PARP4: variants seen among roughly 807,000 people sequenced by gnomAD.
PARP4 encodes protein mono-ADP-ribosyltransferase PARP4.
Under a neutral mutation model 187.7 loss-of-function variants are expected in PARP4, and 120 were observed. The ratio of observed to expected loss-of-function variants is 0.64; its 90% CI spans 0.55 to 0.74. The LOEUF is 0.74. Among genes scored for constraint, PARP4 ranks in the 30% least tolerant of loss-of-function variants. The probability of loss-of-function intolerance (pLI) is 0.00; values close to 1 mark genes in which losing one functional copy is unlikely to be tolerated. For missense variants in PARP4, 1,836 were observed against 2,070.5 expected, an observed-to-expected ratio of 0.89 and a Z score of 2.20; for synonymous variants, 654 against 740.9, an observed-to-expected ratio of 0.88 and a Z score of 1.90.
At chr13:24,445,961 G>A (rs1044963970) in intron 27 of PARP4, among the ~76,000 whole-genome samples, 1 of 152,206 alleles carries the variant, frequency 6.6e-6, no homozygotes, top group Non-Finnish European at 1.5e-5. Context: ...CAGAGAATTG[G>A]TTGGGAAAAA....
At chr13:24,432,782 A>G (rs1368101399) in intron 31 of PARP4, among the ~76,000 whole-genome samples, 1 of 152,018 alleles carries the variant, frequency 6.6e-6, no homozygotes, top group African/African-American at 2.4e-5. Flanking sequence ...TGCATCCCCC[A>G]TCATCTGCCT....
chr13:24,422,311 A>G lies in PARP4; in HGVS notation c.4980-997T>C, dbSNP rs372705407. ...TAGGCACTCAATAAATGTTCGCTGA[A>G]TGTCATGATACTAAATCATGATGAA... On this transcript the variant is annotated intron_variant, in intron 33 of 33. Coordinates refer to ENST00000381989, the MANE Select transcript of PARP4 (RefSeq NM_006437.4). Among the ~76,000 whole-genome samples the G allele has an allele frequency of 1.2e-3, 176 of 152,352 alleles. 3 individuals carry two copies. In the East Asian group the frequency reaches 0.018, roughly 16 times the overall value.
intron 10 of PARP4, among the ~76,000 whole-genome samples, chr13:24,487,168 G>A (rs1873606182): frequency 6.6e-6 from 1 of 151,690 alleles, no homozygotes; most frequent in Non-Finnish European, 1.5e-5. Flanking sequence ...GCTGAGGCAG[G>A]AGAATCGCTT....
In PARP4 at chr13:24,434,456, A is replaced by T. The variant is rs766616566; in HGVS notation, c.4685T>A (p.Val1562Glu). 12 of 1,608,224 alleles carry T rather than the reference A, an allele frequency of 7.5e-6. No individual in the cohort carries two copies. The highest frequency in any genetic ancestry group is 1.0e-5 in the Non-Finnish European group (12 of 1,176,096). Reference sequence around the variant, plus strand: ...AGCATCCTGCCAGTGTTGTATGCACACTATTTCATCCTCTTCTTTTACTTC... The same window carrying T: ...AGCATCCTGCCAGTGTTGTATGCACTCTATTTCATCCTCTTCTTTTACTTC... Reference protein sequence around the residue: ...FLEVKEEDEIVCIQHWQDAVP... With the variant: ...FLEVKEEDEIECIQHWQDAVP... Residue 1562 changes from valine to glutamate, a missense_variant, in exon 31 of 34, where the codon GTG (valine) becomes GAG (glutamate). Around this residue, in one of 8 missense-constraint regions of PARP4, gnomAD observed 450 missense variants for 439.2 expected, o/e 1.02. Coordinates refer to ENST00000381989, the MANE Select transcript of PARP4 (RefSeq NM_006437.4).
chr13:24,488,449 G>A (rs1352615147), intron 10 of PARP4, among the ~76,000 whole-genome samples: 2 of 152,164 alleles, frequency 1.3e-5, no homozygotes, highest in African/African-American at 4.8e-5. Flanking sequence ...CACCTCCCGG[G>A]TTCAAGCGAT....
At chr13:24,468,899 G>A (rs1396783878) in intron 17 of PARP4, 125 bp downstream of exon 17, 3 of 705,866 alleles carry the variant, frequency 4.3e-6, no homozygotes, top group Non-Finnish European at 4.8e-6. Context: ...CTCAGACCAA[G>A]TGGAACTCTG....
At chr13:24,501,932 T>TA (rs1366357619) in intron 2 of PARP4, 98 bp from the exon 3 acceptor site, 4 of 734,548 alleles carry the variant, frequency 5.4e-6, no homozygotes, top group Non-Finnish European at 8.9e-6. Context: ...AGTATTAAGG[T>TA]AGTTTGTGAT....
intron 29 of PARP4, among the ~76,000 whole-genome samples, chr13:24,442,293 C>T (rs111895081): frequency 0.21 from 24,135 of 115,358 alleles, 777 homozygotes; most frequent in African/African-American, 0.24. Context: ...AGACAATAAA[C>T]GCCAAAACTG....
chr13:24,471,794 T>A (rs1872738376), intron 15 of PARP4, among the ~76,000 whole-genome samples: 1 of 152,142 alleles, frequency 6.6e-6, no homozygotes, highest in Admixed American at 6.6e-5. Flanking sequence ...GACACACGCC[T>A]CTCCCTGTAA....
chr13:24,476,639 C>G (rs1031323629), intron 14 of PARP4, among the ~76,000 whole-genome samples: 2 of 152,058 alleles, frequency 1.3e-5, no homozygotes, highest in African/African-American at 4.8e-5. Flanking sequence ...TTAATGACTC[C>G]CAGAGAAAAA....
intron 25 of PARP4, among the ~76,000 whole-genome samples, chr13:24,447,521 C>G (rs1320340377): frequency 2.6e-5 from 4 of 152,166 alleles, no homozygotes; most frequent in Non-Finnish European, 2.9e-5. Context: ...CCACCACACC[C>G]AGCTAATTTT....
chr13:24,506,678 G>A (rs1869706148), intron 1 of PARP4, among the ~76,000 whole-genome samples: 1 of 152,208 alleles, frequency 6.6e-6, no homozygotes, highest in Non-Finnish European at 1.5e-5. Context: ...ACAGAGTGCT[G>A]ACTGGTGTAT....
In PARP4 at chr13:24,492,471, G is replaced by C. The variant is rs779944038; in HGVS notation, c.1003C>G (p.Pro335Ala). The change falls in exon 9 of 34, where the codon CCC becomes GCC. Residue 335 changes from proline to alanine, a missense_variant. Pro to Ala is a conservative substitution (Grantham distance 27). Around this residue, in one of 8 missense-constraint regions of PARP4, gnomAD observed 1,147 missense variants for 1,214.2 expected, o/e 0.94. Transcript: ENST00000381989. ...AATAGTCCCAGGTTCACTTCTTTGG[G>C]CATTGTGCCTTTGTGAGGTATCAGT... ...YRLIPHKGTM[P>A]KEVNLGLLAK... The C allele has an allele frequency of 1.9e-6, 3 of 1,613,786 alleles. No individual in the cohort carries two copies.
Position 24,421,129 on chromosome 13 carries a change from C to T in PARP4, c.5165G>A (p.Ser1722Asn), listed in dbSNP as rs565545378. ...VSPLHRVLHY[S>N]QG ...TCAGTTTCATTTGACTTAGCCTTGACTGTAATGGAGGACTCTATGAAGAGG... is the reference window on the plus strand; with the variant it reads ...TCAGTTTCATTTGACTTAGCCTTGATTGTAATGGAGGACTCTATGAAGAGG... The change falls in exon 34 of 34, where the codon AGT (serine) becomes AAT (asparagine). Residue 1722 changes from serine to asparagine, a missense_variant. Around this residue, in one of 8 missense-constraint regions of PARP4, gnomAD observed 29 missense variants for 81.3 expected, o/e 0.36. Transcript: ENST00000381989. The T allele has an allele frequency of 7.0e-7, 1 of 1,437,898 alleles. No homozygotes were observed. The highest frequency in any genetic ancestry group is 2.6e-5 in the Admixed American group (1 of 38,088). 89.1% of individuals were successfully genotyped at this position (1,437,898 alleles called of 1,614,324 possible). A position where few individuals can be genotyped will look rare whatever the true frequency, so the allele number is the denominator to read the frequency against.
intron 6 of PARP4, 150 bp from the exon 7 acceptor site, chr13:24,494,872 TC>T (rs1868859484): frequency 3.7e-6 from 2 of 543,426 alleles, no homozygotes; most frequent in Non-Finnish European, 3.1e-6. Context: ...CTTTTTCTTT[TC>T]TTTTTCTTTT....
intron 24 of PARP4, 76 bp from the exon 25 acceptor site, chr13:24,449,893 A>G: frequency 1.2e-6 from 1 of 842,764 alleles, no homozygotes; most frequent in South Asian, 1.5e-5. Context: ...GTGTTGAGAA[A>G]GCTCACAACT....
chr13:24,468,946 ATG>A (rs1046222552), intron 17 of PARP4, 76 bp downstream of exon 17: 369 of 1,062,838 alleles, frequency 3.5e-4, no homozygotes, highest in Middle Eastern at 2.9e-3. Context: ...AGCCTCTAGC[ATG>A]AAATTCGTAT....
At chr13:24,489,275 T>C (rs1436342106) in intron 10 of PARP4, among the ~76,000 whole-genome samples, 2 of 152,182 alleles carry the variant, frequency 1.3e-5, no homozygotes, top group Non-Finnish European at 2.9e-5. Flanking sequence ...ATGCTTTCAG[T>C]CTCTCTATAT....
chr13:24,438,355 C>T (rs984335114), intron 30 of PARP4, among the ~76,000 whole-genome samples: 4 of 152,246 alleles, frequency 2.6e-5, no homozygotes, highest in East Asian at 3.9e-4. Context: ...CGAGCTCAGG[C>T]GGTAATGCTC....
Sources: gnomAD v4.1 joint callset for allele counts (sites outside exome capture counted in the v4.1 genomes callset) on GRCh38, gnomAD v4.1.1 for gene constraint, gnomAD v4.1.1 regional missense constraint, MANE v1.5 for transcripts, NCBI Gene and HGNC (gene_info 2026-07-23, HGNC 2026-07-21) for gene names.